The following ARFGEF3 variants were observed in gnomAD, a reference collection of about 807,000 sequenced individuals.
ARFGEF3 encodes ARFGEF family member 3.
In ARFGEF3, 96 loss-of-function variants were observed where a neutral mutation model predicts 221.7. That is an observed-to-expected ratio of 0.43 (90% CI 0.37 to 0.51). The LOEUF is 0.51. Ranked by LOEUF, ARFGEF3 falls within the 20% of genes least tolerant of loss-of-function variation. The probability of loss-of-function intolerance (pLI) is 0.00; values close to 1 mark genes in which losing one functional copy is unlikely to be tolerated. For synonymous variants in ARFGEF3, 1,145 were observed against 1,126.8 expected, an observed-to-expected ratio of 1.02 and a Z score of -0.32; for missense variants, 2,410 against 2,789.9, an observed-to-expected ratio of 0.86 and a Z score of 3.07.
At chr6:138,231,047 G>A (rs1338662820) in intron 5 of ARFGEF3, among the ~76,000 whole-genome samples, 1 of 152,170 alleles carries the variant, frequency 6.6e-6, no homozygotes, top group East Asian at 1.9e-4. Flanking sequence ...GAACTGGGGG[G>A]AAGGGGAGAC....
At position 138,289,862 on chromosome 6, in the gene ARFGEF3, C is replaced by A. The variant is rs780150074; in HGVS notation, c.2941C>A (p.Gln981Lys). The A allele has an allele frequency of 6.2e-7, 1 of 1,613,918 alleles. No homozygotes were observed. Residue 981 changes from glutamine (Q) to lysine (K), a missense_variant, in exon 18 of 34, where the codon CAG (glutamine) becomes AAG (lysine). By Grantham distance (53) the Gln-to-Lys change is moderately conservative. Coordinates refer to ENST00000251691, the MANE Select transcript of ARFGEF3 (RefSeq NM_020340.5). Reference protein sequence around the residue: ...EQKLEQIGKVQGVWLHTAHVL... With the variant: ...EQKLEQIGKVKGVWLHTAHVL... ...GAAACTGGAGCAGATTGGGAAGGTG[C>A]AGGGGGTGTGGCTGCACACTGCCCA...
At chr6:138,318,489 C>G (rs1014959325) in intron 27 of ARFGEF3, among the ~76,000 whole-genome samples, 1 of 151,992 alleles carries the variant, frequency 6.6e-6, no homozygotes, top group Non-Finnish European at 1.5e-5. Flanking sequence ...ATTCTGCAGG[C>G]GTTAAAATTA....
Position 138,278,502 on chromosome 6 carries a change from T to C in ARFGEF3, c.2180T>C (p.Met727Thr). The C allele has an allele frequency of 1.2e-6, 2 of 1,613,858 alleles. No homozygotes were observed. The highest frequency in any genetic ancestry group is 1.7e-6 in the Non-Finnish European group (2 of 1,179,772). ...FDGNSSLSFQ[M>T]LMNADSLYTA... ...GGGAATAGCAGCCTCAGCTTCCAGATGCTGATGAACGCAGACAGCCTCTAC... is the reference window on the plus strand; with the variant it reads ...GGGAATAGCAGCCTCAGCTTCCAGACGCTGATGAACGCAGACAGCCTCTAC... The change falls in exon 13 of 34, where the codon ATG (methionine) becomes ACG (threonine). Residue 727 changes from methionine to threonine, a missense_variant. Met to Thr is a moderately conservative substitution (Grantham distance 81). Around this residue, in one of 5 missense-constraint regions of ARFGEF3, gnomAD observed 594 missense variants for 734.3 expected, o/e 0.81. Transcript: ENST00000251691.
Position 138,273,429 on chromosome 6 carries a change from G to A in ARFGEF3, c.2129-5022G>A, listed in dbSNP as rs1054366544. Among the ~76,000 whole-genome samples, 29 of 152,164 alleles carry A rather than the reference G, an allele frequency of 1.9e-4. 2 individuals are homozygous for A. The stretch of plus-strand genomic sequence containing the variant: ...CATCTTAATTATAGAGAGAGAGAAT[G>A]AACTTTAGTTACTGAACACTGGGCA... On this transcript the variant is annotated intron_variant, in intron 12 of 33. Transcript: ENST00000251691.
At chr6:138,226,973 T>A (rs1266158333) in intron 4 of ARFGEF3, among the ~76,000 whole-genome samples, 1 of 152,216 alleles carries the variant, frequency 6.6e-6, no homozygotes, top group Non-Finnish European at 1.5e-5. Flanking sequence ...TGCATGAGCT[T>A]AAGGAACTGG....
chr6:138,277,855 G>T (rs1583045434), intron 12 of ARFGEF3, among the ~76,000 whole-genome samples: 1 of 152,342 alleles, frequency 6.6e-6, no homozygotes, highest in East Asian at 1.9e-4. Context: ...TGAGGGGCAG[G>T]AGTGGATTTG....
chr6:138,274,412 C>T (rs149559090), intron 12 of ARFGEF3, among the ~76,000 whole-genome samples: 1 of 152,286 alleles, frequency 6.6e-6, no homozygotes, highest in African/African-American at 2.4e-5. Context: ...GCCAGGGGTT[C>T]CCATGGACCA....
chr6:138,305,779 T>C (rs1325318072), intron 22 of ARFGEF3, among the ~76,000 whole-genome samples: 3 of 152,266 alleles, frequency 2.0e-5, no homozygotes, highest in African/African-American at 4.8e-5. Flanking sequence ...TTAATAGATA[T>C]AGACAAAACA....
In ARFGEF3 at chr6:138,278,702, A is replaced by G. The variant is rs935703773; in HGVS notation, c.2295+85A>G. 4.2e-6 allele frequency: 6 copies of G among 1,441,380 alleles called. No individual in the cohort carries two copies. In the South Asian group the frequency reaches 7.6e-5, roughly 18 times the overall value. 89.3% of individuals were successfully genotyped at this position (1,441,380 alleles called of 1,614,324 possible). A position where few individuals can be genotyped will look rare whatever the true frequency, so the allele number is the denominator to read the frequency against. Reference sequence around the variant, plus strand: ...GCCTAGCCTCAGTGCCCTGAGTGGGATGGCACAGCGTGTTTTGTTCCAGAC... The same window carrying G: ...GCCTAGCCTCAGTGCCCTGAGTGGGGTGGCACAGCGTGTTTTGTTCCAGAC... On this transcript the variant is annotated intron_variant, in intron 13 of 33. Transcript: ENST00000251691.
At chr6:138,188,060 A>T (rs1022736860) in intron 2 of ARFGEF3, among the ~76,000 whole-genome samples, 7 of 152,194 alleles carry the variant, frequency 4.6e-5, no homozygotes, top group African/African-American at 1.7e-4. Flanking sequence ...ATAATACTTG[A>T]GTATTTGTTT....
At chr6:138,265,014 C>T (rs1778862676) in intron 12 of ARFGEF3, among the ~76,000 whole-genome samples, 1 of 151,794 alleles carries the variant, frequency 6.6e-6, no homozygotes, top group South Asian at 2.1e-4. Flanking sequence ...TGCCATTCTC[C>T]TGCCTCAGCC....
intron 9 of ARFGEF3, among the ~76,000 whole-genome samples, chr6:138,255,177 G>A (rs1456135250): frequency 6.6e-6 from 1 of 152,158 alleles, no homozygotes; most frequent in African/African-American, 2.4e-5. Flanking sequence ...AGCATTTTGA[G>A]TCCATTTCTT....
intron 1 of ARFGEF3, among the ~76,000 whole-genome samples, chr6:138,165,058 C>G (rs1016378516): frequency 6.7e-6 from 1 of 150,198 alleles, no homozygotes; most frequent in Non-Finnish European, 1.5e-5. Context: ...CTTAGACCCT[C>G]ATGGGAGAGA....
rs907338138 is a variant in ARFGEF3, at chr6:138,289,868, G to A, written c.2947G>A (p.Val983Met). The A allele has an allele frequency of 5.0e-6, 8 of 1,613,920 alleles. No homozygotes were observed. The highest frequency in any genetic ancestry group is 6.8e-6 in the Non-Finnish European group (8 of 1,179,802). ...GGAGCAGATTGGGAAGGTGCAGGGG[G>A]TGTGGCTGCACACTGCCCACGTCTT... is the stretch of plus-strand genomic sequence containing the variant. ...KLEQIGKVQG[V>M]WLHTAHVLCM... The change falls in exon 18 of 34, where the codon GTG becomes ATG. Residue 983 changes from valine (V) to methionine (M), a missense_variant. Transcript: ENST00000251691.
At chr6:138,295,559 G>T (rs375884357) in intron 20 of ARFGEF3, among the ~76,000 whole-genome samples, 20 of 151,900 alleles carry the variant, frequency 1.3e-4, no homozygotes, top group African/African-American at 4.6e-4. Flanking sequence ...GAACCCGGGA[G>T]GTGGAGGTTG....
intron 14 of ARFGEF3, among the ~76,000 whole-genome samples, chr6:138,282,057 C>T (rs932162047): frequency 5.3e-5 from 8 of 152,134 alleles, no homozygotes; most frequent in African/African-American, 1.7e-4. Flanking sequence ...CAGGTTCGAG[C>T]GATTCTTCTG....
Position 138,281,596 on chromosome 6 carries a change from T to A in ARFGEF3, c.2461+1432T>A, listed in dbSNP as rs560152337. Among the ~76,000 whole-genome samples the A allele has an allele frequency of 3.8e-4, 58 of 152,344 alleles. 2 individuals are homozygous for A. Among genetic ancestry groups the A allele is most frequent in the African/African-American group, 1.3e-3 (56 of 41,586 alleles). On this transcript the variant is annotated intron_variant, in intron 14 of 33. Transcript: ENST00000251691. ...TTTTCTGTTCCTGCATTAACTCGTT[T>A]GGGATAATAGCCTTCAGCTATGTCC...
chr6:138,286,869 T>C lies in ARFGEF3; in HGVS notation c.2738T>C (p.Met913Thr). ...QNQKERDAIC[M>T]SLDGLRKAAR... ...CAGAAGGAGCGGGACGCCATCTGCA[T>C]GAGCCTCGACGGGCTGCGGAAAGCC... Residue 913 changes from methionine (M) to threonine (T), a missense_variant, in exon 16 of 34, where the codon ATG becomes ACG. By Grantham distance (81) the Met-to-Thr change is moderately conservative (BLOSUM62 -1). Transcript: ENST00000251691. The C allele has an allele frequency of 6.2e-7, 1 of 1,613,758 alleles. No homozygotes were observed. The highest frequency in any genetic ancestry group is 8.5e-7 in the Non-Finnish European group (1 of 1,179,908).
At chr6:138,209,793 C>T (rs1299743045) in intron 3 of ARFGEF3, 117 bp from the exon 4 acceptor site, 2 of 1,288,436 alleles carry the variant, frequency 1.6e-6, no homozygotes, top group African/African-American at 1.5e-5. Context: ...TTCTTAATGG[C>T]CTCCAGCTAC....
Sources: allele counts gnomAD v4.1 joint callset (sites outside exome capture counted in the v4.1 genomes callset), GRCh38; gene constraint gnomAD v4.1.1; regional missense constraint gnomAD v4.1.1; transcripts MANE v1.5; gene names NCBI Gene and HGNC (gene_info 2026-07-23, HGNC 2026-07-21).